MCTP2: variants seen among roughly 807,000 people sequenced by gnomAD.
MCTP2 encodes multiple C2 and transmembrane domain containing 2.
In MCTP2, 132 loss-of-function variants were observed where a neutral mutation model predicts 111.6. The ratio of observed to expected loss-of-function variants is 1.18; its 90% CI spans 1.03 to 1.37. The LOEUF is 1.37. Among genes scored for constraint, MCTP2 ranks in the 40% most tolerant of loss-of-function variants. The probability of loss-of-function intolerance (pLI) is 0.00; values close to 1 mark genes in which losing one functional copy is unlikely to be tolerated. For missense variants in MCTP2, 1,183 were observed against 1,067.9 expected, an observed-to-expected ratio of 1.11 and a Z score of -1.50; for synonymous variants, 395 against 387.7, an observed-to-expected ratio of 1.02 and a Z score of -0.22.
intron 1 of MCTP2, among the ~76,000 whole-genome samples, chr15:94,293,352 C>G (rs925084822): frequency 2.6e-4 from 39 of 152,132 alleles, no homozygotes; most frequent in African/African-American, 9.2e-4. Flanking sequence ...ACTCTCATAA[C>G]TCAACAATAA....
In MCTP2 at chr15:94,298,561, C is replaced by A; in HGVS notation, c.296C>A (p.Ser99Tyr). 1 of 1,614,142 alleles carries A rather than the reference C, an allele frequency of 6.2e-7. No individual in the cohort carries two copies. The highest frequency in any genetic ancestry group is 8.5e-7 in the Non-Finnish European group (1 of 1,180,026). ...PKSSSSSLKQ[S>Y]EEELDWSQEE... ...AGCAGCAGTAGCTCCTTGAAACAGT[C>A]TGAAGAAGAATTGGATTGGAGCCAG... Residue 99 changes from serine to tyrosine, a missense_variant, in exon 2 of 23, where the codon TCT becomes TAT. Physicochemically the swap from Ser to Tyr is moderately radical, Grantham distance 144 (BLOSUM62 -2). Coordinates refer to ENST00000357742, the MANE Select transcript of MCTP2 (RefSeq NM_001385001.1).
intron 4 of MCTP2, among the ~76,000 whole-genome samples, chr15:94,334,021 C>T (rs1043381161): frequency 1.3e-5 from 2 of 152,144 alleles, no homozygotes; most frequent in African/African-American, 2.4e-5. Context: ...AATTAGTGTA[C>T]ATTAACTTGG....
intron 19 of MCTP2, among the ~76,000 whole-genome samples, chr15:94,457,870 T>TGAA (rs1450160759): frequency 1.3e-5 from 2 of 152,044 alleles, no homozygotes; most frequent in Non-Finnish European, 2.9e-5. Flanking sequence ...CACGGGGAAG[T>TGAA]GAAGTGCTTG....
At chr15:94,466,169 CAT>C (rs1442930288) in intron 20 of MCTP2, among the ~76,000 whole-genome samples, 1 of 152,062 alleles carries the variant, frequency 6.6e-6, no homozygotes, top group South Asian at 2.1e-4. Flanking sequence ...TGATTTTTAA[CAT>C]ATTAAACATT....
Position 94,340,907 on chromosome 15 carries a change from G to A in MCTP2, c.952G>A (p.Gly318Ser). The change falls in exon 7 of 23, where the codon GGT (glycine) becomes AGT (serine). Residue 318 changes from glycine to serine, a missense_variant. Coordinates refer to ENST00000357742, the MANE Select transcript of MCTP2 (RefSeq NM_001385001.1). The part of the protein sequence containing the change: ...VLNLNLVVKQ[G>S]DFKRHRWSNR... ...AAATTTGAACCTAGTGGTAAAACAG[G>A]GTGATTTCAAGAGACACGTAAGTGG... 6.2e-7 allele frequency: 1 copy of A among 1,608,304 alleles called. No homozygotes were observed. The highest frequency in any genetic ancestry group is 8.5e-7 in the Non-Finnish European group (1 of 1,174,944).
chr15:94,466,496 A>C (rs150308595), intron 20 of MCTP2, among the ~76,000 whole-genome samples: 1 of 152,268 alleles, frequency 6.6e-6, no homozygotes, highest in African/African-American at 2.4e-5. Context: ...AGATTTCTCC[A>C]CTTAGCACCG....
rs2084958330 is a variant in MCTP2, at chr15:94,458,245, A to T, written c.2359A>T (p.Asn787Tyr). 3 of 1,577,164 alleles carry T rather than the reference A, an allele frequency of 1.9e-6. No individual in the cohort carries two copies. The highest frequency in any genetic ancestry group is 2.6e-6 in the Non-Finnish European group (3 of 1,146,600). The change falls in exon 20 of 23, where the codon AAC becomes TAC. Residue 787 changes from asparagine to tyrosine, a missense_variant and splice_region_variant. Transcript: ENST00000357742. ...EIASFGERIK[N>Y]TFNWTVPFLS... is the part of the protein sequence containing the mutation. ...AGCTTCTTTTGGAGAAAGGATTAAG[A>T]AGTAAGTTCTAAATTTGTGTTGTGG...
intron 12 of MCTP2, among the ~76,000 whole-genome samples, chr15:94,383,619 G>T (rs1236128908): frequency 6.6e-6 from 1 of 152,190 alleles, no homozygotes; most frequent in African/African-American, 2.4e-5. Flanking sequence ...CCAAGTGAAA[G>T]AAAAACCACT....
At chr15:94,348,684 C>T (rs938459824) in intron 8 of MCTP2, among the ~76,000 whole-genome samples, 8 of 151,050 alleles carry the variant, frequency 5.3e-5, no homozygotes, top group Non-Finnish European at 1.2e-4. Flanking sequence ...TGTCTTATTT[C>T]TGTGTTGGCC....
At chr15:94,324,765 T>C (rs188288360) in intron 4 of MCTP2, among the ~76,000 whole-genome samples, 22 of 152,324 alleles carry the variant, frequency 1.4e-4, no homozygotes, top group African/African-American at 4.8e-4. Flanking sequence ...CGCTGTTACA[T>C]AGCATAATTT....
chr15:94,448,593 A>T (rs900779168), intron 19 of MCTP2, among the ~76,000 whole-genome samples: 2 of 152,226 alleles, frequency 1.3e-5, no homozygotes, highest in Admixed American at 1.3e-4. Flanking sequence ...AGGAATGATC[A>T]GCCAGCATGA....
chr15:94,397,582 T>G (rs1213007172), intron 14 of MCTP2, among the ~76,000 whole-genome samples: 4 of 152,196 alleles, frequency 2.6e-5, no homozygotes, highest in Non-Finnish European at 4.4e-5. Flanking sequence ...GGGCACCCCC[T>G]TCCTCTTAGC....
intron 1 of MCTP2, among the ~76,000 whole-genome samples, chr15:94,278,824 A>AT (rs2074340667): frequency 6.6e-6 from 1 of 152,110 alleles, no homozygotes; most frequent in South Asian, 2.1e-4. Context: ...AACACGTAGT[A>AT]TTTGGTTTCC....
At chr15:94,237,754 A>T (rs2070672389) in intron 1 of MCTP2, among the ~76,000 whole-genome samples, 1 of 152,166 alleles carries the variant, frequency 6.6e-6, no homozygotes, top group South Asian at 2.1e-4. Flanking sequence ...TGAAGAGATT[A>T]AGAGTCTAGC....
chr15:94,244,106 G>A (rs2071460891), intron 1 of MCTP2, among the ~76,000 whole-genome samples: 2 of 132,462 alleles, frequency 1.5e-5, no homozygotes, highest in Non-Finnish European at 3.3e-5. Flanking sequence ...ACATACATAT[G>A]TGTATATGTT....
At chr15:94,314,375 A>G (rs1335243661) in intron 3 of MCTP2, 31 bp downstream of exon 3, 1 of 1,470,994 alleles carries the variant, frequency 6.8e-7, no homozygotes, top group Admixed American at 1.7e-5. Flanking sequence ...AGAAACATTA[A>G]ATGTTGTAGA....
At chr15:94,454,870 G>C (rs779563760) in intron 19 of MCTP2, among the ~76,000 whole-genome samples, 28 of 152,034 alleles carry the variant, frequency 1.8e-4, no homozygotes, top group Non-Finnish European at 3.1e-4. Flanking sequence ...GCCCAGACTG[G>C]AGTACAGTGC....
chr15:94,236,368 C>CTTTTTT (rs1167268187), intron 1 of MCTP2, among the ~76,000 whole-genome samples: 5 of 67,162 alleles, frequency 7.4e-5, no homozygotes, highest in South Asian at 4.7e-4. Context: ...TCAATCCTTT[C>CTTTTTT]TTTTTTTTCT....
At chr15:94,476,529 AC>A in intron 21 of MCTP2, 166 bp from the exon 22 acceptor site, 1 of 490,832 alleles carries the variant, frequency 2.0e-6, no homozygotes. Flanking sequence ...ACTAATTTTT[AC>A]TTGTGAATAT....
Sources: gnomAD v4.1 joint callset for allele counts (sites outside exome capture counted in the v4.1 genomes callset) on GRCh38, gnomAD v4.1.1 for gene constraint, MANE v1.5 for transcripts, NCBI Gene and HGNC (gene_info 2026-07-23, HGNC 2026-07-21) for gene names.